HECW1: variants seen among roughly 807,000 people sequenced by gnomAD.
HECW1 encodes HECT, C2 and WW domain containing E3 ubiquitin protein ligase 1.
HECW1 carries 61 observed loss-of-function variants against 182.3 expected under a neutral mutation model. The observed-to-expected ratio is 0.33, with a 90% CI of 0.27 to 0.41. The LOEUF (loss-of-function observed/expected upper bound fraction) is 0.41. HECW1 is among the 10% of genes least tolerant of loss of function. The pLI, the probability that HECW1 is intolerant of heterozygous loss-of-function variation, is 1.00. For missense variants in HECW1, 1,739 were observed against 2,108.9 expected (o/e 0.82, Z 3.44); for synonymous variants, 859 against 832.6 (o/e 1.03, Z -0.55).
chr7:43,237,535 C>T (rs1584112513), intron 2 of HECW1, among the ~76,000 whole-genome samples: 1 of 152,210 alleles, frequency 6.6e-6, no homozygotes, highest in Admixed American at 6.5e-5. Context: ...AGTGACTCTC[C>T]ATGCCTCAGT....
At position 43,509,056 on chromosome 7, in the gene HECW1, G is replaced by T; in HGVS notation, c.3954G>T (p.Ser1318=). The T allele has an allele frequency of 6.2e-7, 1 of 1,614,076 alleles. No homozygotes were observed. The highest frequency in any genetic ancestry group is 8.5e-7 in the Non-Finnish European group (1 of 1,179,984). The change falls in exon 24 of 30, where the codon TCG becomes TCT. Residue 1318 remains serine (S), a synonymous_variant. Coordinates refer to ENST00000395891, the MANE Select transcript of HECW1 (RefSeq NM_015052.5). Reference sequence around the variant, plus strand: ...CTTACTATGGACTCTTTGAGTACTCGGCAAATGATACTTACACGGTGCAGA... The same window carrying T: ...CTTACTATGGACTCTTTGAGTACTCTGCAAATGATACTTACACGGTGCAGA... ...FNPYYGLFEY[S]ANDTYTVQIS...
intron 6 of HECW1, among the ~76,000 whole-genome samples, chr7:43,370,017 G>A (rs1817134184): frequency 6.6e-6 from 1 of 152,192 alleles, no homozygotes. Flanking sequence ...GGGGAAAAAT[G>A]CAACGGCCAA....
intron 2 of HECW1, among the ~76,000 whole-genome samples, chr7:43,167,156 A>T (rs1791216052): frequency 6.6e-6 from 1 of 152,174 alleles, no homozygotes. Context: ...TAGGTATGAG[A>T]AGGGCCATGC....
intron 2 of HECW1, among the ~76,000 whole-genome samples, chr7:43,192,506 TAA>T (rs1391047659): frequency 5.1e-4 from 63 of 122,508 alleles, no homozygotes; most frequent in African/African-American, 1.7e-3. Context: ...TAAAAATGAC[TAA>T]ATACGTAAAG....
intron 8 of HECW1, among the ~76,000 whole-genome samples, chr7:43,413,906 T>C (rs1237428100): frequency 1.4e-5 from 2 of 141,528 alleles, no homozygotes; most frequent in African/African-American, 5.4e-5. Flanking sequence ...CCAGCTTTGT[T>C]CTTTTGGCTT....
Position 43,239,030 on chromosome 7 carries a change from C to T in HECW1, c.-31-4845C>T, listed in dbSNP as rs372141165. 7.2e-5 allele frequency: 11 copies of T among 152,242 alleles called. No homozygotes were observed. In the East Asian group the frequency reaches 1.7e-3, roughly 24 times the overall value. 9.4% of individuals were successfully genotyped at this position (152,242 alleles called of 1,614,324 possible). On this transcript the variant is annotated intron_variant, in intron 2 of 29. Transcript: ENST00000395891. ...GGGACTGAAAGACAATAGATTGGGA[C>T]AAAACAAAATCAGTCAGACCCCAAC...
intron 2 of HECW1, among the ~76,000 whole-genome samples, chr7:43,234,564 C>T (rs376095997): frequency 3.1e-4 from 47 of 152,122 alleles, no homozygotes; most frequent in African/African-American, 9.6e-4. Context: ...ACTTCCTTTT[C>T]TTCCTTCAGG....
chr7:43,191,828 T>C (rs1008321528), intron 2 of HECW1, among the ~76,000 whole-genome samples: 1 of 152,220 alleles, frequency 6.6e-6, no homozygotes, highest in African/African-American at 2.4e-5. Context: ...ACTCATATTA[T>C]GCAGTAGAAT....
At chr7:43,288,339 G>A (rs10242285) in intron 3 of HECW1, among the ~76,000 whole-genome samples, 10,371 of 152,158 alleles carry the variant, frequency 0.068, 1,043 homozygotes, top group African/African-American at 0.22. Context: ...AGGTGGCCAT[G>A]TGTATTTGAA....
chr7:43,120,283 T>C (rs746607711), intron 2 of HECW1, among the ~76,000 whole-genome samples: 5 of 152,210 alleles, frequency 3.3e-5, no homozygotes, highest in Non-Finnish European at 7.4e-5. Context: ...ACCTGCATCC[T>C]GACCCCCTTT....
At position 43,454,040 on chromosome 7, in the gene HECW1, A is replaced by C. The variant is rs574911427; in HGVS notation, c.2501-2257A>C. Reference sequence around the variant, plus strand: ...ATTTAATGTATTGACAAAAGAGCCCAGCTGTTTGGCTTACTACACTTTTCC... The same window carrying C: ...ATTTAATGTATTGACAAAAGAGCCCCGCTGTTTGGCTTACTACACTTTTCC... On this transcript the variant is annotated intron_variant, in intron 12 of 29. Coordinates refer to ENST00000395891, the MANE Select transcript of HECW1 (RefSeq NM_015052.5). Among the ~76,000 whole-genome samples, 19 of 152,372 alleles carry C rather than the reference A, an allele frequency of 1.2e-4. No homozygotes were observed. The East Asian group carries it at 3.1e-3, about 25-fold the overall frequency.
chr7:43,336,192 CTCTCTCTT>C (rs1812258285), intron 5 of HECW1, among the ~76,000 whole-genome samples: 2 of 127,924 alleles, frequency 1.6e-5, no homozygotes, highest in East Asian at 4.6e-4. Flanking sequence ...CTCTCTCTCT[CTCTCTCTT>C]TCACTCTATT....
chr7:43,374,156 A>C (rs930939897), intron 6 of HECW1, among the ~76,000 whole-genome samples: 1 of 152,192 alleles, frequency 6.6e-6, no homozygotes, highest in Non-Finnish European at 1.5e-5. Flanking sequence ...GTTATCACTC[A>C]TTTCATATAA....
intron 17 of HECW1, among the ~76,000 whole-genome samples, chr7:43,491,585 T>C (rs951970420): frequency 2.0e-5 from 3 of 152,208 alleles, no homozygotes; most frequent in Non-Finnish European, 4.4e-5. Flanking sequence ...ATTTGATTAA[T>C]ATTCATGACT....
At chr7:43,448,512 T>G (rs763842863) in intron 11 of HECW1, among the ~76,000 whole-genome samples, 5 of 152,154 alleles carry the variant, frequency 3.3e-5, no homozygotes, top group Non-Finnish European at 5.9e-5. Context: ...AAAATGGGTA[T>G]AATTACAGAA....
At chr7:43,188,572 C>T (rs995353593) in intron 2 of HECW1, among the ~76,000 whole-genome samples, 2 of 152,198 alleles carry the variant, frequency 1.3e-5, no homozygotes, top group Admixed American at 6.5e-5. Context: ...CCCAGAATCA[C>T]AGGCAACTAA....
chr7:43,319,642 C>T (rs1809837427), intron 4 of HECW1, among the ~76,000 whole-genome samples: 1 of 117,606 alleles, frequency 8.5e-6, no homozygotes, highest in African/African-American at 3.6e-5. Flanking sequence ...CAGAGTCTCG[C>T]TATGTAAACA....
At chr7:43,272,047 C>T (rs78997177) in intron 3 of HECW1, among the ~76,000 whole-genome samples, 2,543 of 151,996 alleles carry the variant, frequency 0.017, 72 homozygotes, top group African/African-American at 0.058. Flanking sequence ...AGGCCACCCC[C>T]CTACAGTCAT....
intron 4 of HECW1, among the ~76,000 whole-genome samples, chr7:43,315,945 T>A (rs906018396): frequency 6.6e-6 from 1 of 152,144 alleles, no homozygotes; most frequent in African/African-American, 2.4e-5. Context: ...CTGGGTAGTA[T>A]ATTGATTCTC....
Sources: allele counts gnomAD v4.1 joint callset (sites outside exome capture counted in the v4.1 genomes callset), GRCh38; gene constraint gnomAD v4.1.1; transcripts MANE v1.5; gene names NCBI Gene and HGNC (gene_info 2026-07-23, HGNC 2026-07-21).